The following UPP2 variants were observed in gnomAD, a reference collection of about 807,000 sequenced individuals.
UPP2 encodes uridine phosphorylase 2.
A neutral mutation model predicts 26.7 loss-of-function variants in UPP2; 23 were observed. The observed-to-expected ratio is 0.86, with a 90% CI of 0.62 to 1.22. UPP2 has a LOEUF of 1.22. UPP2 is among the 50% of genes most tolerant of loss of function. The pLI, the probability that UPP2 is intolerant of heterozygous loss-of-function variation, is 0.00. For synonymous variants in UPP2, 127 were observed against 141.3 expected (o/e 0.90, Z 0.72); for missense variants, 387 against 396.7 (o/e 0.98, Z 0.21).
chr2:158,007,218 G>A (rs1213241778), intron 2 of UPP2, among the ~76,000 whole-genome samples: 1 of 152,090 alleles, frequency 6.6e-6, no homozygotes, highest in South Asian at 2.1e-4. Flanking sequence ...TCTGCGAGGC[G>A]GTGCTATCAT....
intron 3 of UPP2, among the ~76,000 whole-genome samples, chr2:158,054,389 T>TTG (rs1553465721): frequency 2.2e-4 from 33 of 151,492 alleles, no homozygotes; most frequent in Non-Finnish European, 4.0e-4. Flanking sequence ...TTTGAGGTTT[T>TTG]TTTTTTTTTT....
chr2:158,060,214 G>C (rs1027454693), intron 3 of UPP2, among the ~76,000 whole-genome samples: 2 of 151,978 alleles, frequency 1.3e-5, no homozygotes, highest in Non-Finnish European at 2.9e-5. Context: ...TTTTATATCT[G>C]GACTCAGTCT....
intron 3 of UPP2, among the ~76,000 whole-genome samples, chr2:158,068,504 G>A (rs1193614155): frequency 6.6e-6 from 1 of 151,798 alleles, no homozygotes; most frequent in Admixed American, 6.6e-5. Context: ...ACCACTAAAG[G>A]AAAGTTTATG....
intron 3 of UPP2, among the ~76,000 whole-genome samples, chr2:158,082,041 G>C (rs1682735804): frequency 6.6e-6 from 1 of 151,392 alleles, no homozygotes; most frequent in African/African-American, 2.4e-5. Context: ...TCCACCTCCT[G>C]GGTTCAAGCA....
At chr2:158,109,969 G>A (rs1683278493) in intron 2 of UPP2, among the ~76,000 whole-genome samples, 1 of 152,136 alleles carries the variant, frequency 6.6e-6, no homozygotes, top group South Asian at 2.1e-4. Flanking sequence ...GTGCTGAGAG[G>A]AAATTTATAG....
chr2:158,079,506 CA>C (rs1164137885), intron 3 of UPP2, among the ~76,000 whole-genome samples: 1 of 152,046 alleles, frequency 6.6e-6, no homozygotes. Context: ...ATCTACGTTA[CA>C]GGGGGCTTGT....
chr2:158,022,242 G>A (rs1189256459), intron 3 of UPP2, among the ~76,000 whole-genome samples: 2 of 152,038 alleles, frequency 1.3e-5, no homozygotes, highest in African/African-American at 4.8e-5. Flanking sequence ...GGCGAATCAC[G>A]ACGTCAGGAG....
chr2:158,018,077 C>T (rs901187467), intron 3 of UPP2, among the ~76,000 whole-genome samples: 1 of 152,186 alleles, frequency 6.6e-6, no homozygotes, highest in Non-Finnish European at 1.5e-5. Flanking sequence ...CATTTCTTCT[C>T]TTTCCCACTG....
intron 3 of UPP2, among the ~76,000 whole-genome samples, chr2:158,052,832 A>C (rs946395981): frequency 6.6e-6 from 1 of 152,182 alleles, no homozygotes; most frequent in African/African-American, 2.4e-5. Context: ...ATAATGTCTC[A>C]GTCCCAAGAC....
intron 3 of UPP2, among the ~76,000 whole-genome samples, chr2:158,075,846 GAAAT>G (rs941644582): frequency 6.7e-6 from 1 of 150,328 alleles, no homozygotes; most frequent in African/African-American, 2.4e-5. Flanking sequence ...GATCAGAGCA[GAAAT>G]AAATAAAAAT....
At chr2:158,115,602 G>A (rs758672570) in intron 3 of UPP2, among the ~76,000 whole-genome samples, 3 of 152,072 alleles carry the variant, frequency 2.0e-5, no homozygotes, top group Non-Finnish European at 2.9e-5. Context: ...TGAGCTTTTA[G>A]TACACAGAGG....
intron 3 of UPP2, among the ~76,000 whole-genome samples, chr2:158,043,283 T>C (rs1322365485): frequency 2.0e-5 from 3 of 152,160 alleles, no homozygotes; most frequent in South Asian, 2.1e-4. Flanking sequence ...CTGCAGGCTA[T>C]AATCCTGCTC....
At chr2:158,073,419 T>G in intron 3 of UPP2, among the ~76,000 whole-genome samples, 1 of 152,058 alleles carries the variant, frequency 6.6e-6, no homozygotes, top group East Asian at 1.9e-4. Context: ...AGTAGAAAGT[T>G]TATTCAAAGG....
intron 3 of UPP2, among the ~76,000 whole-genome samples, chr2:158,051,104 T>G (rs1041673950): frequency 6.6e-6 from 1 of 151,496 alleles, no homozygotes; most frequent in African/African-American, 2.4e-5. Context: ...TAAATATATC[T>G]ACTATGCACC....
rs115819307 is a variant in UPP2 at position 158,000,113 on chromosome 2, G to A, written c.61+4854G>A. On this transcript the variant is annotated intron_variant, in intron 2 of 9. Transcript: ENST00000605860. Reference sequence around the variant, plus strand: ...AGTCTTGGTCTTGTCCCCCAGGCTAGAGTGCAATGGCGCGATCTCGGCTCA... The same window carrying A: ...AGTCTTGGTCTTGTCCCCCAGGCTAAAGTGCAATGGCGCGATCTCGGCTCA... 3.2e-3 allele frequency among the ~76,000 whole-genome samples: 489 copies of A among 151,494 alleles called. 1 individual carries two copies. Among genetic ancestry groups the A allele is most frequent in the African/African-American group, 0.011 (437 of 41,178 alleles).
At chr2:158,032,334 AG>A (rs1263111814) in intron 3 of UPP2, among the ~76,000 whole-genome samples, 1 of 152,114 alleles carries the variant, frequency 6.6e-6, no homozygotes, top group Admixed American at 6.5e-5. Flanking sequence ...GATGCCATGT[AG>A]GGGACCCCCT....
chr2:158,061,850 T>C lies in UPP2; in HGVS notation c.148-40190T>C, dbSNP rs757370531. 2.0e-5 allele frequency among the ~76,000 whole-genome samples: 3 copies of C among 152,240 alleles called. No homozygotes were observed. The South Asian group carries it at 6.2e-4, about 31-fold the overall frequency. ...GCCTTTGCGTGCACAGATCAGGTAA[T>C]CTGGCCCTAGCCCAGGTATCCACTA... On this transcript the variant is annotated intron_variant, in intron 3 of 9. Coordinates refer to the UPP2 transcript ENST00000605860.
chr2:158,084,985 T>A (rs1682790333), intron 3 of UPP2, among the ~76,000 whole-genome samples: 1 of 152,158 alleles, frequency 6.6e-6, no homozygotes, highest in South Asian at 2.1e-4. Context: ...AGACTCTTTT[T>A]TTGTTACATA....
chr2:158,094,324 A>G (rs1682955582), intron 3 of UPP2, among the ~76,000 whole-genome samples: 1 of 151,846 alleles, frequency 6.6e-6, no homozygotes, highest in Admixed American at 6.5e-5. Context: ...ATATATCTGT[A>G]CCTTTATGTT....
Sources: gnomAD v4.1 joint callset for allele counts (sites outside exome capture counted in the v4.1 genomes callset) on GRCh38, gnomAD v4.1.1 for gene constraint, MANE v1.5 for transcripts, NCBI Gene and HGNC (gene_info 2026-07-23, HGNC 2026-07-21) for gene names.